The following RAP1GDS1 variants were observed in gnomAD, a reference collection of about 807,000 sequenced individuals.
RAP1GDS1 encodes Rap1 GTPase-GDP dissociation stimulator 1, also known as RAP1, GTP-GDP dissociation stimulator 1.
Under a neutral mutation model 71.1 loss-of-function variants are expected in RAP1GDS1, and 35 were observed. The observed-to-expected ratio is 0.49, with a 90% CI of 0.38 to 0.65. RAP1GDS1 has a LOEUF of 0.65. Ranked by LOEUF, RAP1GDS1 falls within the 30% of genes least tolerant of loss-of-function variation. The probability of loss-of-function intolerance (pLI) is 0.00; values close to 1 mark genes in which losing one functional copy is unlikely to be tolerated. For missense variants in RAP1GDS1, 663 were observed against 706.1 expected (o/e 0.94, Z 0.69); for synonymous variants, 229 against 243.1 (o/e 0.94, Z 0.54).
intron 14 of RAP1GDS1, chr4:98,441,324 A>AAAT (rs1751837921): frequency 1.0e-6 from 1 of 980,882 alleles, no homozygotes; most frequent in South Asian, 4.7e-5. Flanking sequence ...AATTGAAGTT[A>AAAT]AATAGAGAAA....
chr4:98,287,206 G>T (rs1328159221), intron 1 of RAP1GDS1, among the ~76,000 whole-genome samples: 1 of 151,680 alleles, frequency 6.6e-6, no homozygotes, highest in Non-Finnish European at 1.5e-5. Flanking sequence ...ATACAAGTAG[G>T]GTTCTATGTA....
intron 2 of RAP1GDS1, among the ~76,000 whole-genome samples, chr4:98,328,116 G>C (rs562451379): frequency 6.6e-6 from 1 of 152,238 alleles, no homozygotes; most frequent in South Asian, 2.1e-4. Context: ...CATGTGGCCT[G>C]TTTTCTTATT....
chr4:98,391,120 T>C (rs1230046253), intron 5 of RAP1GDS1, among the ~76,000 whole-genome samples: 1 of 152,148 alleles, frequency 6.6e-6, no homozygotes, highest in African/African-American at 2.4e-5. Flanking sequence ...GTACTTTTGG[T>C]GTTCATTTTT....
chr4:98,432,844 G>T (rs1237137664), intron 12 of RAP1GDS1, among the ~76,000 whole-genome samples: 1 of 151,918 alleles, frequency 6.6e-6, no homozygotes, highest in East Asian at 1.9e-4. Flanking sequence ...CTAAGACAAC[G>T]GAACCCTTGG....
chr4:98,279,374 A>T (rs1262615682), intron 1 of RAP1GDS1, among the ~76,000 whole-genome samples: 1 of 151,850 alleles, frequency 6.6e-6, no homozygotes, highest in Non-Finnish European at 1.5e-5. Context: ...ATGATATATA[A>T]TTTTAAAATT....
intron 12 of RAP1GDS1, among the ~76,000 whole-genome samples, chr4:98,421,843 C>T (rs1215389226): frequency 6.6e-6 from 1 of 152,022 alleles, no homozygotes; most frequent in African/African-American, 2.4e-5. Context: ...TAGTGAGTAC[C>T]CAGGCCAGCA....
chr4:98,417,950 C>A (rs539495891), intron 9 of RAP1GDS1, among the ~76,000 whole-genome samples: 11 of 152,166 alleles, frequency 7.2e-5, no homozygotes, highest in African/African-American at 2.4e-4. Context: ...TTTCAGGGGG[C>A]GCCAGACTTC....
At chr4:98,381,089 A>G (rs557772193) in intron 5 of RAP1GDS1, among the ~76,000 whole-genome samples, 1 of 151,810 alleles carries the variant, frequency 6.6e-6, no homozygotes, top group African/African-American at 2.4e-5. Flanking sequence ...TATAATATAT[A>G]TATTTTTTGA....
intron 4 of RAP1GDS1, among the ~76,000 whole-genome samples, chr4:98,362,703 CT>C (rs1449411708): frequency 2.0e-5 from 3 of 152,124 alleles, no homozygotes; most frequent in Admixed American, 6.5e-5. Context: ...TGAAAACTTC[CT>C]TTTTAACACC....
intron 6 of RAP1GDS1, 77 bp from the exon 7 acceptor site, chr4:98,404,400 A>T: frequency 7.4e-7 from 1 of 1,354,748 alleles, no homozygotes. Flanking sequence ...AATGGTACAA[A>T]ATAACTAAGT....
intron 7 of RAP1GDS1, among the ~76,000 whole-genome samples, chr4:98,415,685 G>A (rs1747848394): frequency 6.6e-6 from 1 of 152,146 alleles, no homozygotes; most frequent in African/African-American, 2.4e-5. Flanking sequence ...AGTTTCCTAT[G>A]AAGATCAGTT....
intron 12 of RAP1GDS1, among the ~76,000 whole-genome samples, chr4:98,430,930 G>T (rs1016079351): frequency 5.3e-5 from 8 of 152,190 alleles, no homozygotes; most frequent in African/African-American, 1.9e-4. Context: ...GCACTTTGCA[G>T]TGTATTCCTG....
At chr4:98,317,293 C>G (rs73834427) in intron 2 of RAP1GDS1, among the ~76,000 whole-genome samples, 45 of 152,250 alleles carry the variant, frequency 3.0e-4, no homozygotes, top group African/African-American at 1.0e-3. Flanking sequence ...TTAGGGAGAT[C>G]TAAGCAATTA....
chr4:98,275,635 G>A (rs192803984), intron 1 of RAP1GDS1, among the ~76,000 whole-genome samples: 288 of 152,020 alleles, frequency 1.9e-3, no homozygotes, highest in Middle Eastern at 6.8e-3. Flanking sequence ...AAAATTTTAC[G>A]TAGGCAATGG....
chr4:98,374,671 G>A (rs1007545863), intron 4 of RAP1GDS1, among the ~76,000 whole-genome samples: 9 of 152,146 alleles, frequency 5.9e-5, no homozygotes, highest in Non-Finnish European at 1.0e-4. Flanking sequence ...GTCAGGAGTC[G>A]AACTAGGTTC....
At chr4:98,420,354 A>G (rs943536343) in intron 11 of RAP1GDS1, among the ~76,000 whole-genome samples, 12 of 147,354 alleles carry the variant, frequency 8.1e-5, no homozygotes, top group East Asian at 1.9e-4. Flanking sequence ...TTATTTATTT[A>G]TTTATTTATT....
chr4:98,292,527 T>C (rs28715883), intron 1 of RAP1GDS1, among the ~76,000 whole-genome samples: 22,272 of 151,482 alleles, frequency 0.15, 2,440 homozygotes, highest in African/African-American at 0.31. Flanking sequence ...AACAAAACTG[T>C]ATGTTCTGCA....
At chr4:98,357,017 T>C (rs1738070359) in intron 4 of RAP1GDS1, among the ~76,000 whole-genome samples, 1 of 151,966 alleles carries the variant, frequency 6.6e-6, no homozygotes, top group East Asian at 1.9e-4. Flanking sequence ...CTGCAAATAC[T>C]GAAAAATAGT....
intron 13 of RAP1GDS1, among the ~76,000 whole-genome samples, chr4:98,436,590 G>C (rs1259106859): frequency 6.6e-6 from 1 of 152,142 alleles, no homozygotes; most frequent in African/African-American, 2.4e-5. Context: ...GTGAATGAGA[G>C]AGATCGGCCA....
Sources: allele counts gnomAD v4.1 joint callset (sites outside exome capture counted in the v4.1 genomes callset), GRCh38; gene constraint gnomAD v4.1.1; transcripts MANE v1.5; gene names NCBI Gene and HGNC (gene_info 2026-07-23, HGNC 2026-07-21).